Variants in DDAH1 observed in about 807,000 individuals in gnomAD.
DDAH1 encodes the protein N(G),N(G)-dimethylarginine dimethylaminohydrolase 1.
In DDAH1, 19 loss-of-function variants were observed where a neutral mutation model predicts 28.8. The ratio of observed to expected loss-of-function variants is 0.66; its 90% CI spans 0.46 to 0.97. DDAH1 has a LOEUF of 0.97. DDAH1 is among the 50% of genes least tolerant of loss of function. The pLI is 0.00. For missense variants in DDAH1, 326 were observed against 375.9 expected (o/e 0.87, Z 1.10); for synonymous variants, 153 against 154.4 (o/e 0.99, Z 0.07).
intron 1 of DDAH1, among the ~76,000 whole-genome samples, chr1:85,369,812 G>A (rs1156445514): frequency 6.6e-6 from 1 of 152,114 alleles, no homozygotes; most frequent in Non-Finnish European, 1.5e-5. Context: ...AAATGGCTAG[G>A]GTAGTTACTG....
intron 2 of DDAH1, among the ~76,000 whole-genome samples, chr1:85,354,538 T>G (rs1168525211): frequency 1.3e-5 from 2 of 152,140 alleles, no homozygotes; most frequent in East Asian, 3.8e-4. Flanking sequence ...CTCAAGTATT[T>G]GGTCTACTTG....
chr1:85,543,666 A>G (rs1419946701), intron 1 of DDAH1, among the ~76,000 whole-genome samples: 7 of 152,156 alleles, frequency 4.6e-5, no homozygotes, highest in African/African-American at 1.7e-4. Flanking sequence ...GCAGCATGGC[A>G]CCATCTTTGT....
Position 85,447,028 on chromosome 1 carries a change from C to G in DDAH1, c.303+17715G>C, listed in dbSNP as rs557520249. ...TTTAAAACTCAATGGAATAAAAGAT[C>G]AGAATGTGGCTTCCCCACACAAGGC... is the stretch of plus-strand genomic sequence containing the variant. On this transcript the variant is annotated intron_variant, in intron 1 of 5. Transcript: ENST00000284031. 2.0e-5 allele frequency among the ~76,000 whole-genome samples: 3 copies of G among 152,282 alleles called. No individual in the cohort carries two copies. The South Asian group carries it at 6.2e-4, about 32-fold the overall frequency.
chr1:85,448,789 A>T (rs532382370), intron 1 of DDAH1, among the ~76,000 whole-genome samples: 1 of 152,226 alleles, frequency 6.6e-6, no homozygotes, highest in Non-Finnish European at 1.5e-5. Context: ...AGAAAATCAC[A>T]TTTTAATCTG....
intron 1 of DDAH1, among the ~76,000 whole-genome samples, chr1:85,508,214 C>T (rs185062452): frequency 6.0e-4 from 92 of 152,262 alleles, no homozygotes; most frequent in South Asian, 1.2e-3. Flanking sequence ...TTGCCTGAAT[C>T]GATTATTTCA....
At chr1:85,513,070 T>G (rs959124003) in intron 1 of DDAH1, among the ~76,000 whole-genome samples, 2 of 152,158 alleles carry the variant, frequency 1.3e-5, no homozygotes, top group Non-Finnish European at 2.9e-5. Context: ...AGAACAAAGC[T>G]GGAGGCATCA....
intron 1 of DDAH1, among the ~76,000 whole-genome samples, chr1:85,441,888 T>A (rs1654215106): frequency 6.6e-6 from 1 of 152,196 alleles, no homozygotes; most frequent in South Asian, 2.1e-4. Flanking sequence ...TGATGATATC[T>A]TCCTTATAAA....
chr1:85,459,294 T>C (rs1655027944), intron 1 of DDAH1, among the ~76,000 whole-genome samples: 1 of 152,246 alleles, frequency 6.6e-6, no homozygotes, highest in Non-Finnish European at 1.5e-5. Flanking sequence ...AGTCTTATAA[T>C]GGTTCTCTAA....
At chr1:85,457,783 C>T (rs1053639180) in intron 1 of DDAH1, among the ~76,000 whole-genome samples, 11 of 152,166 alleles carry the variant, frequency 7.2e-5, no homozygotes, top group African/African-American at 2.2e-4. Flanking sequence ...TCTGCCTTCT[C>T]GTTTCGAGTG....
At chr1:85,490,542 A>G (rs927329686) in intron 2 of DDAH1, among the ~76,000 whole-genome samples, 3 of 152,220 alleles carry the variant, frequency 2.0e-5, no homozygotes, top group Non-Finnish European at 4.4e-5. Context: ...CCAATTTATA[A>G]GTCTGCTTTG....
At chr1:85,327,527 G>T (rs1427852559) in intron 4 of DDAH1, among the ~76,000 whole-genome samples, 1 of 152,168 alleles carries the variant, frequency 6.6e-6, no homozygotes, top group Admixed American at 6.5e-5. Context: ...TTTACTATGA[G>T]TTTTTGTGCA....
intron 1 of DDAH1, among the ~76,000 whole-genome samples, chr1:85,382,284 A>C (rs904249124): frequency 1.3e-5 from 2 of 152,230 alleles, no homozygotes; most frequent in African/African-American, 2.4e-5. Flanking sequence ...ATGGAAGATC[A>C]AACCAGCCCC....
chr1:85,479,169 T>TTC (rs1341695459), intron 2 of DDAH1, among the ~76,000 whole-genome samples: 12 of 124,460 alleles, frequency 9.6e-5, no homozygotes, highest in African/African-American at 4.2e-4. Flanking sequence ...CTTTTTTTTT[T>TTC]TTTTTTTTTT....
In DDAH1 at chr1:85,352,550, A is replaced by G. The variant is rs144493088; in HGVS notation, c.404-971T>C. ...GGGAGGAGGGGCTCCTTACAGTTTT[A>G]TCTTTGCAAATATTTATTCCCTGAT... On this transcript the variant is annotated intron_variant, in intron 2 of 5. Transcript: ENST00000284031. Among the ~76,000 whole-genome samples the G allele has an allele frequency of 2.6e-5, 4 of 152,252 alleles. No individual in the cohort carries two copies. The East Asian group carries it at 7.7e-4, about 29-fold the overall frequency.
At chr1:85,344,019 T>TATTTCAGGAAGTAG (rs1648678221) in intron 4 of DDAH1, among the ~76,000 whole-genome samples, 1 of 152,202 alleles carries the variant, frequency 6.6e-6, no homozygotes, top group Non-Finnish European at 1.5e-5. Context: ...TTCAGTTAGT[T>TATTTCAGGAAGTAG]ATTTCAGGAA....
chr1:85,395,633 T>C (rs551338456), intron 1 of DDAH1, among the ~76,000 whole-genome samples: 5 of 150,550 alleles, frequency 3.3e-5, no homozygotes, highest in African/African-American at 4.9e-5. Flanking sequence ...GATCGCACCA[T>C]TGCACTCCAG....
chr1:85,492,341 G>A (rs1570605318), intron 2 of DDAH1, among the ~76,000 whole-genome samples: 1 of 152,122 alleles, frequency 6.6e-6, no homozygotes, highest in Non-Finnish European at 1.5e-5. Flanking sequence ...GAAGACTTAG[G>A]TTAAGTGGAA....
At chr1:85,402,017 G>C (rs1652134343) in intron 1 of DDAH1, among the ~76,000 whole-genome samples, 1 of 151,972 alleles carries the variant, frequency 6.6e-6, no homozygotes, top group Non-Finnish European at 1.5e-5. Context: ...ACAGGGTCTT[G>C]CTATGTCACC....
chr1:85,462,076 C>T (rs924696961), intron 1 of DDAH1, among the ~76,000 whole-genome samples: 3 of 152,156 alleles, frequency 2.0e-5, no homozygotes, highest in African/African-American at 7.2e-5. Context: ...CATCATAAAT[C>T]TGGTATGGTG....
Sources: allele counts gnomAD v4.1 joint callset (sites outside exome capture counted in the v4.1 genomes callset), GRCh38; gene constraint gnomAD v4.1.1; transcripts MANE v1.5; gene names NCBI Gene and HGNC (gene_info 2026-07-23, HGNC 2026-07-21).